TRPM8: variants seen among roughly 807,000 people sequenced by gnomAD.
TRPM8 encodes the protein transient receptor potential cation channel subfamily M member 8.
A neutral mutation model predicts 133.7 loss-of-function variants in TRPM8; 110 were observed. That is an observed-to-expected ratio of 0.82 (90% CI 0.70 to 0.96). The LOEUF (loss-of-function observed/expected upper bound fraction) is 0.96, where lower values mean the gene tolerates loss of function less well. Ranked by LOEUF, TRPM8 falls within the 40% of genes least tolerant of loss-of-function variation. TRPM8 has a pLI of 0.00. For missense variants in TRPM8, 1,291 were observed against 1,379.5 expected (o/e 0.94, Z 1.02); for synonymous variants, 535 against 532.3 (o/e 1.01, Z -0.07).
intron 22 of TRPM8, among the ~76,000 whole-genome samples, chr2:234,006,556 G>A (rs1692697643): frequency 6.6e-6 from 1 of 152,232 alleles, no homozygotes; most frequent in African/African-American, 2.4e-5. Context: ...AAATTCATTA[G>A]TGGAATGATT....
At chr2:233,966,397 C>A (rs747478221) in intron 14 of TRPM8, among the ~76,000 whole-genome samples, 75 of 152,188 alleles carry the variant, frequency 4.9e-4, no homozygotes, top group Non-Finnish European at 1.1e-3. Context: ...TCACCTGCTG[C>A]CATCAGGAGC....
At chr2:234,008,127 A>AT (rs746717772) in intron 24 of TRPM8, 24 bp downstream of exon 24, 174,858 of 1,339,796 alleles carry the variant, frequency 0.13, 1,176 homozygotes, top group African/African-American at 0.23. Flanking sequence ...AATAGTTTGG[A>AT]TTTTTTTTTT....
At chr2:233,983,307 C>T (rs555581057) in intron 20 of TRPM8, 83 bp downstream of exon 20, 59 of 1,530,200 alleles carry the variant, frequency 3.9e-5, no homozygotes, top group Middle Eastern at 1.7e-4. Flanking sequence ...CCCCGGAGAC[C>T]GCACTTCAGA....
chr2:233,957,312 C>T (rs535744074), intron 11 of TRPM8, among the ~76,000 whole-genome samples: 44 of 145,898 alleles, frequency 3.0e-4, no homozygotes, highest in Non-Finnish European at 3.1e-4. Flanking sequence ...ATGGCAAAAC[C>T]CCACCTCTGC....
At chr2:233,975,852 A>C (rs532928705) in intron 17 of TRPM8, among the ~76,000 whole-genome samples, 2 of 152,304 alleles carry the variant, frequency 1.3e-5, no homozygotes, top group East Asian at 3.9e-4. Flanking sequence ...ACTGCACTCC[A>C]GCCTGGGTGA....
Position 233,961,145 on chromosome 2 carries a change from C to T in TRPM8, c.1653+79C>T, listed in dbSNP as rs896154291. 3 of 1,395,394 alleles carry T rather than the reference C, an allele frequency of 2.1e-6. No homozygotes were observed. The African/African-American group carries it at 4.3e-5, about 20-fold the overall frequency. 86.4% of individuals were successfully genotyped at this position (1,395,394 alleles called of 1,614,324 possible). On this transcript the variant is annotated intron_variant, in intron 12 of 25. Coordinates refer to ENST00000324695, the MANE Select transcript of TRPM8 (RefSeq NM_024080.5). ...TCATAAGATATCTCCATTTTCCCTACTCCCTATCTTATTGCCATAAAATAC... is the reference window on the plus strand; with the variant it reads ...TCATAAGATATCTCCATTTTCCCTATTCCCTATCTTATTGCCATAAAATAC...
chr2:233,949,016 A>G (rs565276779), intron 8 of TRPM8, among the ~76,000 whole-genome samples: 1 of 152,354 alleles, frequency 6.6e-6, no homozygotes, highest in South Asian at 2.1e-4. Context: ...CCTGGGAGAC[A>G]GAGCAAGACT....
In TRPM8 at chr2:233,970,940, G is replaced by A. The variant is rs140890830; in HGVS notation, c.2355+514G>A. 4.1e-3 allele frequency among the ~76,000 whole-genome samples: 627 copies of A among 152,172 alleles called. 6 individuals carry two copies. The highest frequency in any genetic ancestry group is 7.0e-3 in the Non-Finnish European group (475 of 67,994). ...TTTCTTGGGACCTTCATTTTTTGGC[G>A]TCGTCTCTCTACCGTTGAACCCAGA... is the stretch of plus-strand genomic sequence containing the variant. On this transcript the variant is annotated intron_variant, in intron 17 of 25. Transcript: ENST00000324695.
At chr2:233,932,122 A>G (rs1391075311) in intron 3 of TRPM8, among the ~76,000 whole-genome samples, 1 of 152,238 alleles carries the variant, frequency 6.6e-6, no homozygotes, top group African/African-American at 2.4e-5. Context: ...AACTGGCATA[A>G]GTGGAAGCTG....
At chr2:233,969,323 CAAA>C (rs112907432) in intron 15 of TRPM8, among the ~76,000 whole-genome samples, 1 of 135,040 alleles carries the variant, frequency 7.4e-6, no homozygotes, top group African/African-American at 2.6e-5. Context: ...ACCAAAAATA[CAAA>C]AAAAAAAAAA....
rs1404221881 is a variant in TRPM8, at chr2:234,018,216, T to G, written c.*960T>G. 1 of 152,138 alleles carries G rather than the reference T, an allele frequency of 6.6e-6. No homozygotes were observed. Among genetic ancestry groups the G allele is most frequent in the Non-Finnish European group, 1.5e-5 (1 of 68,028 alleles). 9.4% of individuals were successfully genotyped at this position (152,138 alleles called of 1,614,324 possible). ...TTTATGTAAGCTTTTTCACTTAGTA[T>G]TTTATCAAATATGTTTTTATTATAT... is the stretch of plus-strand genomic sequence containing the variant. On this transcript the variant is annotated 3_prime_UTR_variant, in exon 26 of 26. Coordinates refer to ENST00000324695, the MANE Select transcript of TRPM8 (RefSeq NM_024080.5).
intron 22 of TRPM8, among the ~76,000 whole-genome samples, chr2:234,004,546 A>G (rs1338913147): frequency 6.6e-6 from 1 of 152,234 alleles, no homozygotes; most frequent in Non-Finnish European, 1.5e-5. Context: ...GAAAAATGCG[A>G]GATTTTTCAA....
chr2:233,961,183 C>A, intron 12 of TRPM8, 117 bp downstream of exon 12: 1 of 1,040,610 alleles, frequency 9.6e-7, no homozygotes, highest in Non-Finnish European at 1.4e-6. Flanking sequence ...AACACACTGA[C>A]AATGTTAATT....
At chr2:233,987,817 G>A (rs898394395) in intron 21 of TRPM8, among the ~76,000 whole-genome samples, 1 of 152,148 alleles carries the variant, frequency 6.6e-6, no homozygotes, top group Non-Finnish European at 1.5e-5. Context: ...TATGTCTCAC[G>A]AGATTTGATG....
chr2:233,927,708 C>CTCTTTCTTTCTT (rs1174628676), intron 2 of TRPM8, among the ~76,000 whole-genome samples: 1 of 81,332 alleles, frequency 1.2e-5, no homozygotes, highest in Non-Finnish European at 3.4e-5. Flanking sequence ...CAGAGTCTGT[C>CTCTTTCTTTCTT]TCTTTCTTTC....
intron 10 of TRPM8, 51 bp from the exon 11 acceptor site, chr2:233,955,081 C>A: frequency 2.1e-6 from 3 of 1,397,254 alleles, no homozygotes; most frequent in Non-Finnish European, 3.0e-6. Flanking sequence ...ATGGTTCTCA[C>A]TCTTATTTCT....
At chr2:233,937,665 A>C (rs1450632414) in intron 4 of TRPM8, among the ~76,000 whole-genome samples, 156 bp downstream of exon 4, 1 of 152,206 alleles carries the variant, frequency 6.6e-6, no homozygotes, top group Admixed American at 6.5e-5. Context: ...TGTAAAAGCC[A>C]AAAAGCAGTT....
chr2:233,919,892 A>G (rs559948200), intron 1 of TRPM8, among the ~76,000 whole-genome samples: 118 of 152,292 alleles, frequency 7.7e-4, no homozygotes, highest in African/African-American at 2.7e-3. Context: ...TGAACATCCA[A>G]TCAGTTACCT....
intron 17 of TRPM8, among the ~76,000 whole-genome samples, chr2:233,977,865 C>A (rs1365872490): frequency 6.6e-6 from 1 of 152,088 alleles, no homozygotes; most frequent in African/African-American, 2.4e-5. Context: ...TATCTGTTTC[C>A]CCTCGATTTT....
Sources: gnomAD v4.1 joint callset for allele counts (sites outside exome capture counted in the v4.1 genomes callset) on GRCh38, gnomAD v4.1.1 for gene constraint, MANE v1.5 for transcripts, NCBI Gene and HGNC (gene_info 2026-07-23, HGNC 2026-07-21) for gene names.